GALNT2: variants seen among roughly 807,000 people sequenced by gnomAD.
The protein encoded by GALNT2 is UDP-GalNAc:polypeptide N-acetylgalactosaminyltransferase 2.
GALNT2 carries 31 observed loss-of-function variants against 81.4 expected under a neutral mutation model. The ratio of observed to expected loss-of-function variants is 0.38; its 90% CI spans 0.29 to 0.51. The LOEUF is 0.51. Ranked by LOEUF, GALNT2 falls within the 20% of genes least tolerant of loss-of-function variation. GALNT2 has a pLI of 0.87. For synonymous variants in GALNT2, 303 were observed against 287.4 expected (o/e 1.05, Z -0.55); for missense variants, 629 against 765.7 (o/e 0.82, Z 2.11).
At chr1:230,121,248 G>T (rs1234421383) in intron 1 of GALNT2, among the ~76,000 whole-genome samples, 1 of 152,240 alleles carries the variant, frequency 6.6e-6, no homozygotes, top group East Asian at 1.9e-4. Flanking sequence ...GCTGGCACAT[G>T]CCTGTGGGGT....
chr1:230,270,602 C>G (rs1666139424), intron 14 of GALNT2, among the ~76,000 whole-genome samples: 1 of 152,220 alleles, frequency 6.6e-6, no homozygotes, highest in East Asian at 1.9e-4. Context: ...CACAAACCCA[C>G]TGTGCGTGAG....
intron 1 of GALNT2, among the ~76,000 whole-genome samples, chr1:230,156,691 A>T (rs1662267630): frequency 6.6e-6 from 1 of 152,168 alleles, no homozygotes; most frequent in African/African-American, 2.4e-5. Flanking sequence ...TGGCTTTAGA[A>T]AGCAATGTGG....
intron 1 of GALNT2, among the ~76,000 whole-genome samples, chr1:230,080,674 C>T (rs1312315697): frequency 1.3e-5 from 2 of 152,126 alleles, no homozygotes; most frequent in African/African-American, 4.8e-5. Flanking sequence ...ATGCATAGCA[C>T]AGGGGCCACT....
Position 230,243,448 on chromosome 1 carries a change from A to G in GALNT2, c.729+21A>G. On this transcript the variant is annotated intron_variant, in intron 7 of 15. Transcript: ENST00000366672. This position sits in a 1 kb window ranked among gnomAD's most constrained non-coding sequence, Gnocchi z 4.2. Reference sequence around the variant, plus strand: ...CGGAGGTGAGATGACGGGGGCTGGGAGGGGTGTCAGGTCGTGGGTGGTTGG... The same window carrying G: ...CGGAGGTGAGATGACGGGGGCTGGGGGGGGTGTCAGGTCGTGGGTGGTTGG... 1.2e-6 allele frequency: 2 copies of G among 1,607,162 alleles called. No homozygotes were observed. The highest frequency in any genetic ancestry group is 8.5e-7 in the Non-Finnish European group (1 of 1,179,230).
intron 1 of GALNT2, among the ~76,000 whole-genome samples, chr1:230,135,126 G>A (rs1661494931): frequency 6.6e-6 from 1 of 152,042 alleles, no homozygotes. Flanking sequence ...ATTTTAAGAT[G>A]CATTCCCCAT....
At chr1:230,125,674 T>C (rs1379682926) in intron 1 of GALNT2, among the ~76,000 whole-genome samples, 1 of 144,272 alleles carries the variant, frequency 6.9e-6, no homozygotes, top group Non-Finnish European at 1.5e-5. Context: ...TTTTGGCAGC[T>C]GCCTTCAGGC....
At chr1:230,270,740 T>C (rs1666141973) in intron 14 of GALNT2, among the ~76,000 whole-genome samples, 1 of 152,222 alleles carries the variant, frequency 6.6e-6, no homozygotes, top group African/African-American at 2.4e-5. Context: ...AGGTTTGTTA[T>C]CTGGTTTCCG....
intron 6 of GALNT2, among the ~76,000 whole-genome samples, chr1:230,242,358 C>T (rs1254147764): frequency 6.6e-6 from 1 of 152,100 alleles, no homozygotes; most frequent in Non-Finnish European, 1.5e-5. Context: ...TTCTAGCATA[C>T]AGCCACATAG....
chr1:230,174,736 C>G (rs1662904259), intron 1 of GALNT2, among the ~76,000 whole-genome samples: 1 of 152,170 alleles, frequency 6.6e-6, no homozygotes, highest in South Asian at 2.1e-4. Flanking sequence ...CCTGGGCTCT[C>G]TTGTGCCCTC....
At chr1:230,184,324 G>A (rs1663252216) in intron 2 of GALNT2, among the ~76,000 whole-genome samples, 1 of 151,972 alleles carries the variant, frequency 6.6e-6, no homozygotes, top group Non-Finnish European at 1.5e-5. Flanking sequence ...GAGTAGCTGG[G>A]ACTACAGGCG....
At chr1:230,127,012 A>G (rs946262033) in intron 1 of GALNT2, among the ~76,000 whole-genome samples, 1 of 152,098 alleles carries the variant, frequency 6.6e-6, no homozygotes, top group African/African-American at 2.4e-5. Flanking sequence ...GGGTGAATGG[A>G]GGTGGGGGGA....
intron 1 of GALNT2, among the ~76,000 whole-genome samples, chr1:230,170,346 G>A (rs139943122): frequency 7.4e-4 from 113 of 152,278 alleles, no homozygotes; most frequent in African/African-American, 2.6e-3. Context: ...GGTCTCTAGG[G>A]TATATTACGT....
chr1:230,252,426 A>G lies in GALNT2; in HGVS notation c.1009+1866A>G, dbSNP rs143414200. 1.2e-4 allele frequency among the ~76,000 whole-genome samples: 18 copies of G among 152,288 alleles called. 1 individual carries two copies. The East Asian group carries it at 3.5e-3, about 29-fold the overall frequency. On this transcript the variant is annotated intron_variant, in intron 10 of 15. Transcript: ENST00000366672. ...ACCCTTAACTCTAACAATGGGGGTA[A>G]GGCTCCTTGGGGGCATCATCTGTGT...
intron 3 of GALNT2, among the ~76,000 whole-genome samples, chr1:230,208,285 G>T (rs187298195): frequency 7.4e-4 from 112 of 152,284 alleles, no homozygotes; most frequent in African/African-American, 2.5e-3. Flanking sequence ...TGAAGGTGGG[G>T]CCAACAGGAT....
chr1:230,205,164 T>C (rs1384207237), intron 3 of GALNT2, among the ~76,000 whole-genome samples: 1 of 152,168 alleles, frequency 6.6e-6, no homozygotes, highest in African/African-American at 2.4e-5. Flanking sequence ...TGAAACTACA[T>C]TCACACACAC....
intron 1 of GALNT2, among the ~76,000 whole-genome samples, chr1:230,157,533 T>C (rs977068281): frequency 6.6e-6 from 1 of 152,218 alleles, no homozygotes; most frequent in Non-Finnish European, 1.5e-5. Flanking sequence ...GGATTCATAA[T>C]GGCATTATTC....
At chr1:230,192,750 G>T (rs1292233707) in intron 2 of GALNT2, among the ~76,000 whole-genome samples, 3 of 152,070 alleles carry the variant, frequency 2.0e-5, no homozygotes, top group African/African-American at 7.2e-5. Context: ...TATTTTCTTA[G>T]GTTTTCTTTT....
intron 3 of GALNT2, among the ~76,000 whole-genome samples, chr1:230,208,405 T>A (rs1427498823): frequency 6.6e-6 from 1 of 152,092 alleles, no homozygotes; most frequent in Non-Finnish European, 1.5e-5. Context: ...AGGCTGTGAG[T>A]GGAGCAGGTG....
At chr1:230,242,136 C>T (rs192155189) in intron 6 of GALNT2, among the ~76,000 whole-genome samples, 5 of 152,230 alleles carry the variant, frequency 3.3e-5, no homozygotes, top group East Asian at 3.9e-4. Context: ...AGCGCATCCT[C>T]GTGGAAAACG....
Sources: allele counts gnomAD v4.1 joint callset (sites outside exome capture counted in the v4.1 genomes callset), GRCh38; gene constraint gnomAD v4.1.1; non-coding constraint Gnocchi (gnomAD v3.1); transcripts MANE v1.5; gene names NCBI Gene and HGNC (gene_info 2026-07-23, HGNC 2026-07-21).